Variants in CNTN3 observed in about 807,000 individuals in gnomAD.
CNTN3 encodes the protein contactin-3.
Under a neutral mutation model 119.1 loss-of-function variants are expected in CNTN3, and 60 were observed. The ratio of observed to expected loss-of-function variants is 0.50; its 90% CI spans 0.41 to 0.62. The LOEUF (loss-of-function observed/expected upper bound fraction) is 0.62. Among genes scored for constraint, CNTN3 ranks in the 20% least tolerant of loss-of-function variants. CNTN3 has a pLI of 0.00. For missense variants in CNTN3, 1,101 were observed against 1,242.4 expected, an observed-to-expected ratio of 0.89 and a Z score of 1.71; for synonymous variants, 450 against 438.7, an observed-to-expected ratio of 1.03 and a Z score of -0.32.
intron 1 of CNTN3, among the ~76,000 whole-genome samples, chr3:74,559,426 C>G (rs1286357093): frequency 6.6e-6 from 1 of 152,144 alleles, no homozygotes; most frequent in Non-Finnish European, 1.5e-5. Flanking sequence ...CGCTCCCCAG[C>G]AGCTCAGAGG....
At chr3:74,462,226 G>A (rs1367804575) in intron 4 of CNTN3, among the ~76,000 whole-genome samples, 4 of 151,956 alleles carry the variant, frequency 2.6e-5, no homozygotes, top group African/African-American at 9.7e-5. Flanking sequence ...TATGCTTCCT[G>A]TACAGCCCAC....
intron 13 of CNTN3, among the ~76,000 whole-genome samples, chr3:74,333,046 C>A (rs575371853): frequency 1.3e-5 from 2 of 152,152 alleles, no homozygotes; most frequent in Non-Finnish European, 2.9e-5. Context: ...AATAAATAGA[C>A]ATTTACAACA....
intron 11 of CNTN3, among the ~76,000 whole-genome samples, chr3:74,352,381 C>T (rs1370803795): frequency 6.6e-6 from 1 of 152,190 alleles, no homozygotes; most frequent in African/African-American, 2.4e-5. Flanking sequence ...TCTATAAACA[C>T]CTTCACTAGA....
At chr3:74,365,443 AGT>A in intron 9 of CNTN3, 121 bp downstream of exon 9, 1 of 1,236,470 alleles carries the variant, frequency 8.1e-7, no homozygotes. Flanking sequence ...AGTAAAGGAA[AGT>A]GTGCAAACTC....
intron 4 of CNTN3, among the ~76,000 whole-genome samples, chr3:74,456,801 G>A (rs751284863): frequency 3.9e-5 from 6 of 152,000 alleles, no homozygotes; most frequent in Non-Finnish European, 5.9e-5. Flanking sequence ...TTTGGCACAT[G>A]AAAATGTGCT....
intron 19 of CNTN3, among the ~76,000 whole-genome samples, chr3:74,286,967 C>G (rs1702127078): frequency 6.6e-6 from 1 of 152,208 alleles, no homozygotes; most frequent in South Asian, 2.1e-4. Context: ...ACACCTGAGG[C>G]AGGGGCTTGT....
At chr3:74,365,749 C>G (rs1283834429) in intron 8 of CNTN3, 47 bp from the exon 9 acceptor site, 2 of 1,575,784 alleles carry the variant, frequency 1.3e-6, no homozygotes, top group Non-Finnish European at 1.7e-6. Flanking sequence ...AACCACCCAG[C>G]AAATAAAATG....
chr3:74,503,000 C>T (rs542947632), intron 2 of CNTN3, among the ~76,000 whole-genome samples: 2 of 152,248 alleles, frequency 1.3e-5, no homozygotes, highest in South Asian at 4.1e-4. Flanking sequence ...CTCATAATAA[C>T]TCTATATGAG....
At chr3:74,465,358 C>T (rs763617272) in intron 4 of CNTN3, among the ~76,000 whole-genome samples, 6 of 152,040 alleles carry the variant, frequency 3.9e-5, no homozygotes, top group Non-Finnish European at 8.8e-5. Flanking sequence ...ATTACACTCA[C>T]GACTCAGTCA....
intron 11 of CNTN3, among the ~76,000 whole-genome samples, chr3:74,339,733 T>C (rs1559554251): frequency 6.6e-6 from 1 of 152,068 alleles, no homozygotes; most frequent in East Asian, 1.9e-4. Context: ...GTTGAATGAG[T>C]AAATGACGGT....
intron 4 of CNTN3, among the ~76,000 whole-genome samples, chr3:74,451,734 G>A (rs1472436259): frequency 6.6e-6 from 1 of 150,486 alleles, no homozygotes; most frequent in East Asian, 1.9e-4. Context: ...TCTACATATG[G>A]CTAGCCAGTT....
chr3:74,364,715 G>A, intron 9 of CNTN3, 119 bp from the exon 10 acceptor site: 2 of 754,220 alleles, frequency 2.7e-6, no homozygotes, highest in South Asian at 2.1e-5. Context: ...GTATTAGACA[G>A]GATGGCCTGA....
intron 5 of CNTN3, among the ~76,000 whole-genome samples, chr3:74,391,237 T>C (rs4605503): frequency 6.6e-6 from 1 of 152,316 alleles, no homozygotes; most frequent in East Asian, 1.9e-4. Flanking sequence ...ATATGGAATA[T>C]TATACTACCA....
chr3:74,273,640 A>C (rs933714510), intron 20 of CNTN3, among the ~76,000 whole-genome samples: 40 of 152,280 alleles, frequency 2.6e-4, no homozygotes, highest in African/African-American at 9.1e-4. Flanking sequence ...CAGGGGTAGA[A>C]GAAGCAGCGG....
intron 13 of CNTN3, among the ~76,000 whole-genome samples, chr3:74,315,259 T>A (rs1387246274): frequency 6.6e-6 from 1 of 152,152 alleles, no homozygotes; most frequent in South Asian, 2.1e-4. Context: ...GAATAATCCA[T>A]CCCTTGTTTA....
At chr3:74,349,555 G>A (rs1703768208) in intron 11 of CNTN3, among the ~76,000 whole-genome samples, 1 of 152,072 alleles carries the variant, frequency 6.6e-6, no homozygotes, top group Admixed American at 6.6e-5. Flanking sequence ...TTATTCAAAA[G>A]GTAATGATAT....
chr3:74,461,148 T>C (rs1285432934), intron 4 of CNTN3, among the ~76,000 whole-genome samples: 1 of 151,986 alleles, frequency 6.6e-6, no homozygotes, highest in Non-Finnish European at 1.5e-5. Context: ...TGTGTTATAT[T>C]GACTGAATTT....
intron 18 of CNTN3, 30 bp downstream of exon 18, chr3:74,297,927 G>C (rs373461221): frequency 6.7e-7 from 1 of 1,495,540 alleles, no homozygotes; most frequent in East Asian, 2.3e-5. Context: ...ATTATTAGGC[G>C]GAACTGATAT....
chr3:74,407,896 T>C (rs1455969579), intron 5 of CNTN3, among the ~76,000 whole-genome samples: 2 of 152,210 alleles, frequency 1.3e-5, no homozygotes, highest in Non-Finnish European at 2.9e-5. Flanking sequence ...TTAAAGGAAC[T>C]GTGTTCTCTC....
Sources: allele counts gnomAD v4.1 joint callset (sites outside exome capture counted in the v4.1 genomes callset), GRCh38; gene constraint gnomAD v4.1.1; transcripts MANE v1.5; gene names NCBI Gene and HGNC (gene_info 2026-07-23, HGNC 2026-07-21).